Variants in HSD17B2 observed in about 807,000 individuals in gnomAD.
HSD17B2 encodes the protein 17-beta-hydroxysteroid dehydrogenase type 2.
Under a neutral mutation model 26.9 loss-of-function variants are expected in HSD17B2, and 32 were observed. That is an observed-to-expected ratio of 1.19 (90% CI 0.90 to 1.60). The LOEUF is 1.60. HSD17B2 is among the 40% of genes most tolerant of loss of function. The pLI is 0.00. For synonymous variants in HSD17B2, 246 were observed against 186.7 expected (o/e 1.32, Z -2.59); for missense variants, 613 against 468.6 (o/e 1.31, Z -2.85).
intron 3 of HSD17B2, among the ~76,000 whole-genome samples, chr16:82,073,270 G>A (rs1914738245): frequency 6.6e-6 from 1 of 151,618 alleles, no homozygotes; most frequent in South Asian, 2.1e-4. Context: ...TGTCGCCCAG[G>A]CTGGAGTGCA....
intron 3 of HSD17B2, chr16:82,072,057 T>C (rs1276958838): frequency 6.6e-6 from 1 of 152,232 alleles, no homozygotes; most frequent in African/African-American, 2.4e-5. Flanking sequence ...AATGATTTGG[T>C]CAGGGAGGGG....
At chr16:82,070,417 C>G (rs1217453455) in intron 2 of HSD17B2, among the ~76,000 whole-genome samples, 1 of 152,228 alleles carries the variant, frequency 6.6e-6, no homozygotes, top group African/African-American at 2.4e-5. Context: ...CTCCTTGCAA[C>G]CCATCTTTCC....
rs1453582207 is a variant in HSD17B2, at chr16:82,062,466, T to G, written c.266-5704T>G. 4.6e-5 allele frequency among the ~76,000 whole-genome samples: 7 copies of G among 152,352 alleles called. No homozygotes were observed. The East Asian group carries it at 1.4e-3, about 29-fold the overall frequency. On this transcript the variant is annotated intron_variant, in intron 1 of 4. Transcript: ENST00000199936. Reference sequence around the variant, plus strand: ...CTTCAATGCTTATTCATCCAACATGTGCTTTTTATTGAGCATCCACTATGG... The same window carrying G: ...CTTCAATGCTTATTCATCCAACATGGGCTTTTTATTGAGCATCCACTATGG...
chr16:82,081,593 T>C (rs951711712), intron 3 of HSD17B2, among the ~76,000 whole-genome samples: 2 of 152,118 alleles, frequency 1.3e-5, no homozygotes, highest in African/African-American at 4.8e-5. Flanking sequence ...AGTGGACAAA[T>C]AAGCAGAGGA....
chr16:82,084,811 T>A (rs761615313), intron 3 of HSD17B2, among the ~76,000 whole-genome samples: 2 of 152,186 alleles, frequency 1.3e-5, no homozygotes, highest in Non-Finnish European at 2.9e-5. Context: ...TAGCTCTCTA[T>A]AACCTTGAAC....
chr16:82,084,223 A>C (rs1331587383), intron 3 of HSD17B2, among the ~76,000 whole-genome samples: 1 of 152,088 alleles, frequency 6.6e-6, no homozygotes, highest in Non-Finnish European at 1.5e-5. Context: ...CAACCTTGGC[A>C]CTACTGGCAT....
At position 82,098,487 on chromosome 16, in the gene HSD17B2, G is replaced by A. The variant is rs2142372646; in HGVS notation, c.*51G>A. On this transcript the variant is annotated 3_prime_UTR_variant, in exon 5 of 5. Transcript: ENST00000199936. ...GAATGTCATAGTCTTGAAATGAAAG[G>A]GAAACTGGGAAACTGGGTTTCTCAT... is the stretch of plus-strand genomic sequence containing the variant. 1 of 1,509,828 alleles carries A rather than the reference G, an allele frequency of 6.6e-7. No individual in the cohort carries two copies. The highest frequency in any genetic ancestry group is 1.4e-5 in the African/African-American group (1 of 71,632). 93.5% of individuals were successfully genotyped at this position (1,509,828 alleles called of 1,614,324 possible). A position where few individuals can be genotyped will look rare whatever the true frequency, so the allele number is the denominator to read the frequency against.
intron 1 of HSD17B2, among the ~76,000 whole-genome samples, chr16:82,057,220 G>C (rs1022011981): frequency 4.0e-5 from 6 of 148,336 alleles, no homozygotes; most frequent in Admixed American, 1.3e-4. Context: ...TTTTTTTTGA[G>C]AGAGAGTCCC....
At chr16:82,071,422 G>A in intron 3 of HSD17B2, 1 of 455,140 alleles carries the variant, frequency 2.2e-6, no homozygotes, top group Non-Finnish European at 4.0e-6. Flanking sequence ...GATTTGTACA[G>A]GAAATCTCAC....
intron 1 of HSD17B2, among the ~76,000 whole-genome samples, chr16:82,048,113 G>A (rs930335508): frequency 6.6e-6 from 1 of 152,146 alleles, no homozygotes; most frequent in African/African-American, 2.4e-5. Flanking sequence ...AGCCCAAGAT[G>A]GAAGATAAAA....
chr16:82,043,517 T>C (rs1913825769), intron 1 of HSD17B2, among the ~76,000 whole-genome samples: 1 of 142,606 alleles, frequency 7.0e-6, no homozygotes, highest in Non-Finnish European at 1.5e-5. Context: ...ACCCCGCCTC[T>C]ACTAAAAATA....
At chr16:82,050,963 T>C (rs1001162492) in intron 1 of HSD17B2, among the ~76,000 whole-genome samples, 4 of 152,184 alleles carry the variant, frequency 2.6e-5, no homozygotes, top group Non-Finnish European at 2.9e-5. Flanking sequence ...TAAGAAAAAA[T>C]GTCTCTAGAC....
chr16:82,078,037 C>T (rs1567589578), intron 3 of HSD17B2, among the ~76,000 whole-genome samples: 1 of 152,144 alleles, frequency 6.6e-6, no homozygotes, highest in Non-Finnish European at 1.5e-5. Flanking sequence ...AATGAGATCA[C>T]ATCAAGTTAA....
At chr16:82,078,021 C>G (rs534496468) in intron 3 of HSD17B2, among the ~76,000 whole-genome samples, 2 of 152,094 alleles carry the variant, frequency 1.3e-5, no homozygotes, top group Non-Finnish European at 2.9e-5. Flanking sequence ...CCAACAAGCA[C>G]AGGCAAATGA....
chr16:82,079,349 T>C (rs555481819), intron 3 of HSD17B2, among the ~76,000 whole-genome samples: 1 of 152,256 alleles, frequency 6.6e-6, no homozygotes, highest in Non-Finnish European at 1.5e-5. Context: ...GCAGGGTTGG[T>C]TTCTCCTGAG....
chr16:82,071,275 C>G, intron 3 of HSD17B2, 148 bp downstream of exon 3: 1 of 742,594 alleles, frequency 1.3e-6, no homozygotes, highest in Non-Finnish European at 2.4e-6. Flanking sequence ...TTGGTCTTAT[C>G]ACAATAAAAC....
At chr16:82,066,291 G>C (rs1914570745) in intron 1 of HSD17B2, among the ~76,000 whole-genome samples, 2 of 152,166 alleles carry the variant, frequency 1.3e-5, no homozygotes, top group African/African-American at 4.8e-5. Flanking sequence ...AAGAAGGAAG[G>C]AGATGGAGCA....
At chr16:82,060,320 C>A (rs1013621878) in intron 1 of HSD17B2, among the ~76,000 whole-genome samples, 1 of 152,172 alleles carries the variant, frequency 6.6e-6, no homozygotes, top group Non-Finnish European at 1.5e-5. Flanking sequence ...ACTCAAAAGG[C>A]TATGGGGTCA....
intron 2 of HSD17B2, chr16:82,070,667 G>C (rs1461187590): frequency 2.2e-6 from 1 of 447,890 alleles, no homozygotes; most frequent in African/African-American, 2.0e-5. Flanking sequence ...CCCTTAATTT[G>C]CAATACCTGC....
Sources: gnomAD v4.1 joint callset for allele counts (sites outside exome capture counted in the v4.1 genomes callset) on GRCh38, gnomAD v4.1.1 for gene constraint, MANE v1.5 for transcripts, NCBI Gene and HGNC (gene_info 2026-07-23, HGNC 2026-07-21) for gene names.